The following CMTR1 variants were observed in gnomAD, a reference collection of about 807,000 sequenced individuals.
CMTR1 encodes cap methyltransferase 1.
In CMTR1, 39 loss-of-function variants were observed where a neutral mutation model predicts 107.0. The ratio of observed to expected loss-of-function variants is 0.36; its 90% CI spans 0.28 to 0.48. CMTR1 has a LOEUF of 0.48. CMTR1 is among the 20% of genes least tolerant of loss of function. CMTR1 has a pLI of 0.99. For missense variants in CMTR1, 672 were observed against 1,064.9 expected, an observed-to-expected ratio of 0.63 and a Z score of 5.14; for synonymous variants, 366 against 379.5, an observed-to-expected ratio of 0.96 and a Z score of 0.41.
At chr6:37,450,167 T>G in intron 4 of CMTR1, 84 bp from the exon 5 acceptor site, 9 of 1,150,298 alleles carry the variant, frequency 7.8e-6, no homozygotes, top group Non-Finnish European at 1.0e-5. Context: ...TCCCTTTTGA[T>G]TGTTTTGGGG....
At chr6:37,474,441 A>T (rs1761692991) in intron 17 of CMTR1, 83 bp from the exon 18 acceptor site, 1 of 1,539,760 alleles carries the variant, frequency 6.5e-7, no homozygotes, top group Non-Finnish European at 8.9e-7. Context: ...TGTAGCTGCC[A>T]ACTAAAAGCT....
At chr6:37,442,111 G>T (rs936398091) in intron 2 of CMTR1, among the ~76,000 whole-genome samples, 2 of 152,136 alleles carry the variant, frequency 1.3e-5, no homozygotes, top group African/African-American at 4.8e-5. Flanking sequence ...TTATCTATTA[G>T]ATTTTTAAGC....
At chr6:37,424,212 G>A in the CMTR1 span, among the ~76,000 whole-genome samples, 1 of 151,414 alleles carries the variant, frequency 6.6e-6, no homozygotes, top group African/African-American at 2.4e-5. Flanking sequence ...GAGGACTCCC[G>A]TACCCTCACT....
chr6:37,450,169 G>A, intron 4 of CMTR1, 82 bp from the exon 5 acceptor site: 1 of 1,208,166 alleles, frequency 8.3e-7, no homozygotes, highest in South Asian at 1.2e-5. Flanking sequence ...CCTTTTGATT[G>A]TTTTGGGGAA....
At position 37,440,039 on chromosome 6, in the gene CMTR1, CT is replaced by C. The variant is rs544675644; in HGVS notation, c.134-3959del. On this transcript the variant is annotated intron_variant, in intron 2 of 23. Transcript: ENST00000373451. Reference sequence around the variant, plus strand: ...AACAGCCAGGAGACCTCTGTTTCCTCTGTAAAGTTGAATCTTTCTTCCTTGT... The same window carrying C: ...AACAGCCAGGAGACCTCTGTTTCCTCGTAAAGTTGAATCTTTCTTCCTTGT... Among the ~76,000 whole-genome samples the C allele has an allele frequency of 7.0e-3, 1,069 of 152,310 alleles. 11 individuals carry two copies. The highest frequency in any genetic ancestry group is 0.024 in the African/African-American group (981 of 41,566).
Position 37,461,633 on chromosome 6 carries a change from A to C in CMTR1, c.1180A>C (p.Ile394Leu), listed in dbSNP as rs1761404604. Residue 394 changes from isoleucine (I) to leucine (L), a missense_variant, in exon 11 of 24, where the codon ATT (isoleucine) becomes CTT (leucine). This residue lies in a region of CMTR1 where 583 missense variants were observed against 968.4 expected (regional missense o/e 0.60). Coordinates refer to ENST00000373451, the MANE Select transcript of CMTR1 (RefSeq NM_015050.3). ...LLCQFLMALS[I>L]VRTGGHFICK... ...GTGTCAGTTCCTCATGGCGCTGTCCATTGTCCGGACAGGTGACACTTCCTC... is the reference window on the plus strand; with the variant it reads ...GTGTCAGTTCCTCATGGCGCTGTCCCTTGTCCGGACAGGTGACACTTCCTC... 4 of 1,605,934 alleles carry C rather than the reference A, an allele frequency of 2.5e-6. No homozygotes were observed. The highest frequency in any genetic ancestry group is 3.4e-6 in the Non-Finnish European group (4 of 1,174,768).
At chr6:37,453,207 C>T in intron 7 of CMTR1, 33 bp from the exon 8 acceptor site, 1 of 1,612,818 alleles carries the variant, frequency 6.2e-7, no homozygotes, top group Non-Finnish European at 8.5e-7. Context: ...GAGCCTAGTA[C>T]ATCTAGTACT....
chr6:37,449,689 A>T (rs1473370135), intron 4 of CMTR1, among the ~76,000 whole-genome samples: 2 of 152,206 alleles, frequency 1.3e-5, no homozygotes, highest in Admixed American at 6.6e-5. Flanking sequence ...AAAAATTAAG[A>T]GGAAGCACCC....
At position 37,471,087 on chromosome 6, in the gene CMTR1, G is replaced by A; in HGVS notation, c.1562+10G>A. 6.3e-7 allele frequency: 1 copy of A among 1,586,722 alleles called. No individual in the cohort carries two copies. The highest frequency in any genetic ancestry group is 1.1e-5 in the South Asian group (1 of 87,278). ...CCTTTGTTCAAGACACGTGAGTGTT[G>A]CCCACTTTTCAGAAACCACCTATTT... is the stretch of plus-strand genomic sequence containing the variant. On this transcript the variant is annotated intron_variant, in intron 14 of 23. Coordinates refer to ENST00000373451, the MANE Select transcript of CMTR1 (RefSeq NM_015050.3).
At chr6:37,443,357 T>A (rs530859719) in intron 2 of CMTR1, among the ~76,000 whole-genome samples, 3 of 148,074 alleles carry the variant, frequency 2.0e-5, no homozygotes, top group South Asian at 4.2e-4. Context: ...CAATGTACTT[T>A]CTTTTTTTTT....
At chr6:37,460,189 C>T (rs1761372277) in intron 10 of CMTR1, among the ~76,000 whole-genome samples, 1 of 152,222 alleles carries the variant, frequency 6.6e-6, no homozygotes, top group Admixed American at 6.5e-5. Context: ...GAAGGACAGA[C>T]AATTTGGCAG....
chr6:37,479,093 C>T, intron 22 of CMTR1, 54 bp from the exon 23 acceptor site: 1 of 1,302,490 alleles, frequency 7.7e-7, no homozygotes, highest in Non-Finnish European at 1.1e-6. Context: ...CACGCCTGTC[C>T]TCCACAAGTG....
At chr6:37,478,377 C>G (rs1420390842) in intron 21 of CMTR1, 32 bp from the exon 22 acceptor site, 1 of 1,544,690 alleles carries the variant, frequency 6.5e-7, no homozygotes, top group Admixed American at 1.7e-5. Flanking sequence ...GGCCTTTTCT[C>G]TCTCATGCAC....
chr6:37,446,475 G>A (rs1238410974), intron 4 of CMTR1, 26 bp downstream of exon 4: 2 of 1,592,606 alleles, frequency 1.3e-6, no homozygotes, highest in African/African-American at 2.7e-5. Context: ...AGGAGGAGAT[G>A]GAAAAGCCAC....
chr6:37,478,653 C>A, intron 22 of CMTR1, 132 bp downstream of exon 22: 1 of 699,524 alleles, frequency 1.4e-6, no homozygotes. Flanking sequence ...GCTGGCATTT[C>A]TCTGAGGCAT....
In CMTR1 at chr6:37,480,798, C is replaced by T. The variant is rs1278996375; in HGVS notation, c.*653C>T. The T allele has an allele frequency of 1.3e-5, 15 of 1,115,994 alleles. No homozygotes were observed. Among genetic ancestry groups the T allele is most frequent in the African/African-American group, 3.3e-5 (2 of 60,178 alleles). The allele number at this position is 1,115,994 out of a possible 1,614,324, so 69.1% of individuals were successfully genotyped here. ...GAAGGAGGGAGTTTGGGCAAACTCT[C>T]ATCCCTGATACCACATTGAGATCCT... On this transcript the variant is annotated 3_prime_UTR_variant, in exon 24 of 24. Coordinates refer to ENST00000373451, the MANE Select transcript of CMTR1 (RefSeq NM_015050.3).
chr6:37,481,180 C>A lies in CMTR1; in HGVS notation c.*1035C>A, dbSNP rs550964059. 3 of 1,301,370 alleles carry A rather than the reference C, an allele frequency of 2.3e-6. No homozygotes were observed. Among genetic ancestry groups the A allele is most frequent in the South Asian group, 1.2e-5 (1 of 80,858 alleles). The allele number at this position is 1,301,370 out of a possible 1,614,324, so 80.6% of individuals were successfully genotyped here. On this transcript the variant is annotated 3_prime_UTR_variant, in exon 24 of 24. Transcript: ENST00000373451. ...TCACTCCCATTTCCTTTATCTTGGCCGACAACACAGAGAGGAGGGGGAGCT... is the reference window on the plus strand; with the variant it reads ...TCACTCCCATTTCCTTTATCTTGGCAGACAACACAGAGAGGAGGGGGAGCT...
rs774439790 is a variant in CMTR1, at chr6:37,459,609, G to A, written c.1020G>A (p.Glu340=). ...GAGATGGAGATATCACCCGCCCAGA[G>A]AACATCTCTGCTTTTCGGAATTTTG... ...IDGDGDITRP[E]NISAFRNFVL... Residue 340 remains glutamate (E), a synonymous_variant, in exon 10 of 24, where the codon GAG becomes GAA. Transcript: ENST00000373451. 1 of 1,614,220 alleles carries A rather than the reference G, an allele frequency of 6.2e-7. No homozygotes were observed. Among genetic ancestry groups the A allele is most frequent in the Non-Finnish European group, 8.5e-7 (1 of 1,180,032 alleles).
In CMTR1 at chr6:37,480,691, T is replaced by A; in HGVS notation, c.*546T>A. 1 of 1,017,232 alleles carries A rather than the reference T, an allele frequency of 9.8e-7. No homozygotes were observed. Among genetic ancestry groups the A allele is most frequent in the Non-Finnish European group, 1.2e-6 (1 of 850,990 alleles). 63.0% of individuals were successfully genotyped at this position (1,017,232 alleles called of 1,614,324 possible). On this transcript the variant is annotated 3_prime_UTR_variant, in exon 24 of 24. Transcript: ENST00000373451. ...TGTTTTGATGCCAAATTGGAGACCA[T>A]TTTCTTGTCTCCTTCCCCCACTCAT...
Sources: gnomAD v4.1 joint callset for allele counts (sites outside exome capture counted in the v4.1 genomes callset) on GRCh38, gnomAD v4.1.1 for gene constraint, gnomAD v4.1.1 regional missense constraint, MANE v1.5 for transcripts, NCBI Gene and HGNC (gene_info 2026-07-23, HGNC 2026-07-21) for gene names.